OXR1: variants seen among roughly 807,000 people sequenced by gnomAD.
OXR1 encodes oxidation resistance 1, also known as oxidation resistance protein 1.
In OXR1, 41 loss-of-function variants were observed where a neutral mutation model predicts 104.6. The observed-to-expected ratio is 0.39, with a 90% CI of 0.31 to 0.51. The LOEUF (loss-of-function observed/expected upper bound fraction) is 0.51, where lower values mean the gene tolerates loss of function less well. Among genes scored for constraint, OXR1 ranks in the 20% least tolerant of loss-of-function variants. The pLI is 0.77. For synonymous variants in OXR1, 348 were observed against 348.4 expected (o/e 1.00, Z 0.01); for missense variants, 955 against 1,031.9 (o/e 0.93, Z 1.02).
chr8:106,717,595 A>G (rs1349470026), intron 11 of OXR1, among the ~76,000 whole-genome samples: 1 of 152,162 alleles, frequency 6.6e-6, no homozygotes, highest in African/African-American at 2.4e-5. Context: ...TGGTAAACTT[A>G]TTGTTTGCTT....
At chr8:106,334,467 T>G (rs1310381476) in intron 1 of OXR1, among the ~76,000 whole-genome samples, 1 of 152,232 alleles carries the variant, frequency 6.6e-6, no homozygotes, top group East Asian at 1.9e-4. Flanking sequence ...GCCTCCAGAA[T>G]AGAAGTGGTT....
chr8:106,588,648 A>T (rs1367753089), intron 3 of OXR1, among the ~76,000 whole-genome samples: 1 of 151,508 alleles, frequency 6.6e-6, no homozygotes, highest in African/African-American at 2.4e-5. Flanking sequence ...GTGCCTGGCT[A>T]ATTTTTGTAT....
chr8:106,358,995 A>C (rs953583414), intron 1 of OXR1, among the ~76,000 whole-genome samples: 3 of 152,218 alleles, frequency 2.0e-5, no homozygotes, highest in African/African-American at 7.2e-5. Flanking sequence ...TATTTAATGA[A>C]TAATATTTTG....
chr8:106,272,276 G>C (rs1323555393), intron 1 of OXR1: 1 of 152,290 alleles, frequency 6.6e-6, no homozygotes, highest in African/African-American at 2.4e-5. Context: ...AGGGGTTGTC[G>C]GCTTCTCCAT....
intron 2 of OXR1, among the ~76,000 whole-genome samples, chr8:106,368,088 A>G (rs1056615855): frequency 5.9e-5 from 9 of 152,188 alleles, no homozygotes; most frequent in Non-Finnish European, 1.3e-4. Context: ...GTTCATATGA[A>G]ATGTAAATTT....
chr8:106,392,171 T>C (rs554483972), intron 2 of OXR1, among the ~76,000 whole-genome samples: 36 of 152,316 alleles, frequency 2.4e-4, no homozygotes, highest in African/African-American at 6.7e-4. Flanking sequence ...TCAACCCTTG[T>C]GGTGACTGAC....
chr8:106,605,245 T>G (rs1820280513), intron 3 of OXR1: 1 of 152,138 alleles, frequency 6.6e-6, no homozygotes, highest in Non-Finnish European at 1.5e-5. Context: ...CTAAAATTTT[T>G]TAAAAAGACA....
intron 3 of OXR1, among the ~76,000 whole-genome samples, chr8:106,644,944 C>G (rs1296053997): frequency 6.6e-6 from 1 of 152,154 alleles, no homozygotes; most frequent in Non-Finnish European, 1.5e-5. Context: ...AGCTGATTCT[C>G]ATTATCAACA....
intron 2 of OXR1, among the ~76,000 whole-genome samples, chr8:106,416,642 C>A (rs1474903297): frequency 6.6e-6 from 1 of 151,912 alleles, no homozygotes; most frequent in Non-Finnish European, 1.5e-5. Flanking sequence ...TGTAAGAATT[C>A]AATTTGTATT....
intron 1 of OXR1, among the ~76,000 whole-genome samples, chr8:106,318,076 T>C (rs961477743): frequency 6.6e-6 from 1 of 152,126 alleles, no homozygotes; most frequent in Non-Finnish European, 1.5e-5. Flanking sequence ...GTTTTAGATA[T>C]ACTGGGCATA....
chr8:106,609,741 T>C (rs780123109), intron 3 of OXR1, among the ~76,000 whole-genome samples: 37 of 152,284 alleles, frequency 2.4e-4, no homozygotes, highest in Non-Finnish European at 4.9e-4. Context: ...TACCCATATT[T>C]ATAGGAAATA....
rs79088771 is a variant in OXR1 at position 106,588,255 on chromosome 8, G to A, written c.220+69116G>A. Among the ~76,000 whole-genome samples the A allele has an allele frequency of 7.9e-5, 12 of 151,222 alleles. No homozygotes were observed. In the East Asian group the frequency reaches 1.6e-3, roughly 20 times the overall value. ...ATTACAGGCATGAGCCACCGCATCCGGCCAACAATTTTTTTTTTTTTAAAT... is the reference window on the plus strand; with the variant it reads ...ATTACAGGCATGAGCCACCGCATCCAGCCAACAATTTTTTTTTTTTTAAAT... On this transcript the variant is annotated intron_variant, in intron 3 of 16. Coordinates refer to ENST00000517566, the MANE Select transcript of OXR1 (RefSeq NM_001198533.2).
intron 1 of OXR1, among the ~76,000 whole-genome samples, chr8:106,314,949 TC>T (rs1036996180): frequency 6.6e-6 from 1 of 152,164 alleles, no homozygotes; most frequent in African/African-American, 2.4e-5. Context: ...TGAGTAAGTA[TC>T]CCCGAATAAT....
chr8:106,409,188 T>G (rs967535820), intron 2 of OXR1, among the ~76,000 whole-genome samples: 2 of 151,990 alleles, frequency 1.3e-5, no homozygotes, highest in African/African-American at 4.8e-5. Context: ...CTAAGGAAAA[T>G]AGCAGTCACA....
intron 2 of OXR1, among the ~76,000 whole-genome samples, chr8:106,485,933 T>A (rs1810623198): frequency 7.0e-6 from 1 of 142,306 alleles, no homozygotes; most frequent in South Asian, 2.2e-4. Context: ...GAGAAAAGAA[T>A]GGTGGTTACC....
intron 1 of OXR1, among the ~76,000 whole-genome samples, chr8:106,301,756 A>G (rs1813243331): frequency 6.6e-6 from 1 of 152,222 alleles, no homozygotes. Context: ...TCTCCTCAGA[A>G]AGCTTTCAAG....
intron 3 of OXR1, among the ~76,000 whole-genome samples, chr8:106,545,276 G>A (rs1282317396): frequency 1.3e-5 from 2 of 152,196 alleles, no homozygotes; most frequent in African/African-American, 4.8e-5. Flanking sequence ...TTTAGATAAT[G>A]TGATTGATTG....
chr8:106,399,926 C>T (rs1817932832), intron 2 of OXR1, among the ~76,000 whole-genome samples: 1 of 152,088 alleles, frequency 6.6e-6, no homozygotes. Flanking sequence ...TTCCTTGCAT[C>T]AAGAATCCTT....
intron 3 of OXR1, among the ~76,000 whole-genome samples, chr8:106,645,789 C>G (rs1011087018): frequency 6.6e-6 from 1 of 152,140 alleles, no homozygotes; most frequent in Admixed American, 6.5e-5. Flanking sequence ...TCCTTTCAAA[C>G]ATTATGTACA....
Sources: allele counts gnomAD v4.1 joint callset (sites outside exome capture counted in the v4.1 genomes callset), GRCh38; gene constraint gnomAD v4.1.1; transcripts MANE v1.5; gene names NCBI Gene and HGNC (gene_info 2026-07-23, HGNC 2026-07-21).